Variants in RUBCN observed in about 807,000 individuals in gnomAD.
The protein encoded by RUBCN is run domain Beclin-1-interacting and cysteine-rich domain-containing protein.
In RUBCN, 74 loss-of-function variants were observed where a neutral mutation model predicts 113.2. That is an observed-to-expected ratio of 0.65 (90% confidence interval 0.54 to 0.79). RUBCN has a LOEUF of 0.79. RUBCN is among the 30% of genes least tolerant of loss of function. RUBCN has a pLI of 0.00. For synonymous variants in RUBCN, 480 were observed against 490.0 expected, an observed-to-expected ratio of 0.98 and a Z score of 0.27; for missense variants, 1,109 against 1,251.7, an observed-to-expected ratio of 0.89 and a Z score of 1.72.
At chr3:197,685,085 G>T (rs1721691332) in intron 11 of RUBCN, among the ~76,000 whole-genome samples, 1 of 152,182 alleles carries the variant, frequency 6.6e-6, no homozygotes, top group African/African-American at 2.4e-5. Context: ...ACAGGAAACT[G>T]TGGCAGACTT....
intron 1 of RUBCN, among the ~76,000 whole-genome samples, chr3:197,726,940 ATT>A (rs1169226625): frequency 1.4e-4 from 18 of 131,734 alleles, no homozygotes; most frequent in Admixed American, 1.5e-4. Flanking sequence ...TGCACATTCT[ATT>A]TTTTTTTTTT....
intron 16 of RUBCN, among the ~76,000 whole-genome samples, chr3:197,678,740 T>A (rs1281664590): frequency 7.0e-6 from 1 of 143,128 alleles, no homozygotes; most frequent in African/African-American, 2.7e-5. Flanking sequence ...TGTCCTACGC[T>A]CTAACTGACA....
chr3:197,729,513 A>G (rs1274822608), intron 1 of RUBCN, among the ~76,000 whole-genome samples: 1 of 152,110 alleles, frequency 6.6e-6, no homozygotes, highest in African/African-American at 2.4e-5. Context: ...TCGGCCTCCC[A>G]AAGTGCTGGG....
intron 1 of RUBCN, among the ~76,000 whole-genome samples, chr3:197,731,564 G>T (rs1727470550): frequency 6.6e-6 from 1 of 151,422 alleles, no homozygotes; most frequent in Non-Finnish European, 1.5e-5. Context: ...CTTCCCAGTA[G>T]GCGCGACCGG....
upstream of RUBCN, among the ~76,000 whole-genome samples, chr3:197,737,844 C>T (rs977986646): frequency 4.6e-5 from 7 of 152,056 alleles, no homozygotes; most frequent in African/African-American, 1.2e-4. Flanking sequence ...GTGAAGCGAA[C>T]CAGTTGAAAG....
At chr3:197,699,150 A>G (rs1164887783) in intron 7 of RUBCN, 31 of 1,474,938 alleles carry the variant, frequency 2.1e-5, no homozygotes, top group Non-Finnish European at 2.3e-5. Flanking sequence ...TGGTCACAAA[A>G]CAGAACAAAG....
At chr3:197,749,284 C>G (rs961979159) in exon 1 of RUBCN, 4 of 1,067,422 alleles carry the variant, frequency 3.7e-6, no homozygotes, top group Non-Finnish European at 4.6e-6. Flanking sequence ...CCGAGGGAAG[C>G]TGAGGTCTTA....
At position 197,682,479 on chromosome 3, in the gene RUBCN, G is replaced by A; in HGVS notation, c.2117C>T (p.Pro706Leu). The A allele has an allele frequency of 6.2e-7, 1 of 1,614,182 alleles. No individual in the cohort carries two copies. Among genetic ancestry groups the A allele is most frequent in the South Asian group, 1.1e-5 (1 of 91,074 alleles). ...GACACTGGCCACTCACGTTGGGGCT[G>A]GATGAACATTAAAAATTATCTGAGG... ...PRPQIIFNVH[P>L]APTRKIAVAK... Residue 706 changes from proline (P) to leucine (L), a missense_variant, in exon 14 of 20, where the codon CCA becomes CTA. Coordinates refer to ENST00000296343, the MANE Select transcript of RUBCN (RefSeq NM_014687.4).
At chr3:197,688,353 G>A (rs745372271) in intron 11 of RUBCN, among the ~76,000 whole-genome samples, 1 of 152,032 alleles carries the variant, frequency 6.6e-6, no homozygotes, top group Non-Finnish European at 1.5e-5. Context: ...TGAGCTGCCC[G>A]CCTCGGCCTC....
chr3:197,740,530 A>C (rs1395517049), upstream of RUBCN, among the ~76,000 whole-genome samples: 1 of 152,192 alleles, frequency 6.6e-6, no homozygotes, highest in African/African-American at 2.4e-5. Flanking sequence ...AACATGAACC[A>C]TAATTGGATA....
At chr3:197,686,123 G>A (rs772655751) in intron 11 of RUBCN, among the ~76,000 whole-genome samples, 7 of 151,608 alleles carry the variant, frequency 4.6e-5, no homozygotes, top group Non-Finnish European at 8.8e-5. Flanking sequence ...TCTTATTTTC[G>A]TGCCAGGCTA....
In RUBCN at chr3:197,672,864, TG is replaced by T. The variant is rs1719928833; in HGVS notation, c.*2153del. The T allele has an allele frequency of 6.6e-6, 1 of 152,378 alleles. No homozygotes were observed. The highest frequency in any genetic ancestry group is 1.5e-5 in the Non-Finnish European group (1 of 68,164). The allele number at this position is 152,378 out of a possible 1,614,324, so 9.4% of individuals were successfully genotyped here. On this transcript the variant is annotated 3_prime_UTR_variant, in exon 20 of 20. Coordinates refer to ENST00000296343, the MANE Select transcript of RUBCN (RefSeq NM_014687.4). The stretch of plus-strand genomic sequence containing the variant: ...TGTGCCACCACGCCCAGCTAATTTT[TG>T]TATTTTTGGAAGAGACAGGGTTTCA...
intron 11 of RUBCN, among the ~76,000 whole-genome samples, chr3:197,684,828 T>C (rs1580182550): frequency 6.6e-6 from 1 of 152,088 alleles, no homozygotes; most frequent in African/African-American, 2.4e-5. Context: ...ATATGTGAAA[T>C]TGGAACTTTG....
intron 1 of RUBCN, among the ~76,000 whole-genome samples, chr3:197,729,027 G>A (rs1158377370): frequency 6.6e-6 from 1 of 151,806 alleles, no homozygotes; most frequent in Non-Finnish European, 1.5e-5. Context: ...ACTTTGGGAG[G>A]CCGAGGCGGG....
chr3:197,695,957 C>T lies in RUBCN; in HGVS notation c.1382G>A (p.Gly461Glu), dbSNP rs1314471275. The change falls in exon 9 of 20, where the codon GGG becomes GAG. Residue 461 changes from glycine (G) to glutamate (E), a missense_variant. This residue lies in a region of RUBCN where 736 missense variants were observed against 779.6 expected (regional missense o/e 0.94). Coordinates refer to ENST00000296343, the MANE Select transcript of RUBCN (RefSeq NM_014687.4). The part of the protein sequence containing the change: ...EYEGGRYLCS[G>E]EGMFRRPSEG... ...TGATGGTCTTCGGAACATGCCTTCC[C>T]CTGAGCACAGGTACCGACCACCTTC... 6.2e-7 allele frequency: 1 copy of T among 1,614,142 alleles called. No individual in the cohort carries two copies. The highest frequency in any genetic ancestry group is 1.1e-5 in the South Asian group (1 of 91,078).
At chr3:197,739,107 A>G (rs1052795484), upstream of RUBCN, among the ~76,000 whole-genome samples, 1 of 151,494 alleles carries the variant, frequency 6.6e-6, no homozygotes, top group African/African-American at 2.4e-5. Context: ...CGCCCGGCTA[A>G]TTTTGTATTT....
chr3:197,749,738 C>A, upstream of RUBCN: 3 of 608,144 alleles, frequency 4.9e-6, no homozygotes, highest in South Asian at 3.2e-5. Context: ...ACAGCGGCTG[C>A]AATGCCTCGT....
In RUBCN at chr3:197,671,042, G is replaced by T. The variant is rs1719741392; in HGVS notation, c.*3976C>A. Among the ~76,000 whole-genome samples, 1 of 152,112 alleles carries T rather than the reference G, an allele frequency of 6.6e-6. No individual in the cohort carries two copies. The highest frequency in any genetic ancestry group is 6.5e-5 in the Admixed American group (1 of 15,270). On this transcript the variant is annotated 3_prime_UTR_variant, in exon 20 of 20. Transcript: ENST00000296343. ...TTTTGTTTTGTTTTTTTGAGACAGGGTCTCGCTCTTCATCCAGGATGGAGT... is the reference window on the plus strand; with the variant it reads ...TTTTGTTTTGTTTTTTTGAGACAGGTTCTCGCTCTTCATCCAGGATGGAGT...
chr3:197,704,488 A>G, intron 4 of RUBCN, 54 bp downstream of exon 4: 1 of 1,533,506 alleles, frequency 6.5e-7, no homozygotes, highest in Non-Finnish European at 9.0e-7. Flanking sequence ...GAGGATAGTG[A>G]GGTGGGTGAC....
Sources: allele counts gnomAD v4.1 joint callset (sites outside exome capture counted in the v4.1 genomes callset), GRCh38; gene constraint gnomAD v4.1.1; regional missense constraint gnomAD v4.1.1; transcripts MANE v1.5; gene names NCBI Gene and HGNC (gene_info 2026-07-23, HGNC 2026-07-21).